The following PCDHGB2 variants were observed in gnomAD, a reference collection of about 807,000 sequenced individuals.
The protein encoded by PCDHGB2 is protocadherin gamma subfamily B, 2.
A neutral mutation model predicts 59.3 loss-of-function variants in PCDHGB2; 55 were observed. The observed-to-expected ratio is 0.93, with a 90% CI of 0.75 to 1.16. The LOEUF (loss-of-function observed/expected upper bound fraction) is 1.16. Ranked by LOEUF, PCDHGB2 falls within the 50% of genes most tolerant of loss-of-function variation. The pLI is 0.00. For missense variants in PCDHGB2, 1,228 were observed against 1,198.5 expected, an observed-to-expected ratio of 1.02 and a Z score of -0.36; for synonymous variants, 516 against 512.0, an observed-to-expected ratio of 1.01 and a Z score of -0.11.
At chr5:141,386,116 T>G (rs376387323) in intron 1 of PCDHGB2, 1 of 152,146 alleles carries the variant, frequency 6.6e-6, no homozygotes, top group Admixed American at 6.6e-5. Context: ...GCTATCAAAG[T>G]GGGAGATTGG....
chr5:141,407,169 G>A (rs946090447), intron 1 of PCDHGB2, among the ~76,000 whole-genome samples: 3 of 152,146 alleles, frequency 2.0e-5, no homozygotes, highest in Non-Finnish European at 4.4e-5. Flanking sequence ...AATCCTTTAT[G>A]ACATACAGAC....
rs375537017 is a variant in PCDHGB2 at position 141,419,439 on chromosome 5, C to T, written c.2421+56883C>T. 22 of 1,613,154 alleles carry T rather than the reference C, an allele frequency of 1.4e-5. No individual in the cohort carries two copies. Among genetic ancestry groups the T allele is most frequent in the Non-Finnish European group, 1.7e-5 (20 of 1,179,788 alleles). On this transcript the variant is annotated intron_variant, in intron 1 of 3. Transcript: ENST00000522605. ...GCCTTCGACCACGAGCAGCTGCGCACCTTCGAGCTCACGCTGCAGGCCCGC... is the reference window on the plus strand; with the variant it reads ...GCCTTCGACCACGAGCAGCTGCGCATCTTCGAGCTCACGCTGCAGGCCCGC...
chr5:141,405,838 T>C (rs1561702145), intron 1 of PCDHGB2, among the ~76,000 whole-genome samples: 4 of 152,300 alleles, frequency 2.6e-5, no homozygotes, highest in Admixed American at 2.0e-4. Flanking sequence ...TAGTATAAGT[T>C]GATATCAGTG....
intron 1 of PCDHGB2, chr5:141,427,797 G>T: frequency 6.6e-7 from 1 of 1,505,306 alleles, no homozygotes; most frequent in Non-Finnish European, 9.1e-7. Flanking sequence ...CTACGTGTCC[G>T]TGAGCGCACA....
chr5:141,494,185 GAC>G (rs2099752607), intron 1 of PCDHGB2, among the ~76,000 whole-genome samples: 1 of 152,154 alleles, frequency 6.6e-6, no homozygotes, highest in Non-Finnish European at 1.5e-5. Context: ...AGTGTCCCGG[GAC>G]TTGGATGCCC....
intron 1 of PCDHGB2, among the ~76,000 whole-genome samples, chr5:141,401,626 C>T (rs1476531463): frequency 6.6e-6 from 1 of 152,174 alleles, no homozygotes; most frequent in Non-Finnish European, 1.5e-5. Flanking sequence ...TTTGTCTTAT[C>T]GTTTGGAGCT....
At chr5:141,409,832 G>A (rs777679132) in intron 1 of PCDHGB2, 20 of 1,610,814 alleles carry the variant, frequency 1.2e-5, no homozygotes, top group Non-Finnish European at 1.6e-5. Context: ...CACGCTCAGC[G>A]CCAACGTGAG....
chr5:141,455,502 A>G (rs888549465), intron 1 of PCDHGB2, among the ~76,000 whole-genome samples: 12 of 152,206 alleles, frequency 7.9e-5, no homozygotes, highest in African/African-American at 2.7e-4. Flanking sequence ...TCTGATTTGC[A>G]TAGGGCTCAG....
chr5:141,384,924 G>A (rs1467129756), intron 1 of PCDHGB2: 2 of 1,613,840 alleles, frequency 1.2e-6, no homozygotes, highest in African/African-American at 2.7e-5. Flanking sequence ...TGGCCGACCT[G>A]GGCAGCCTTG....
chr5:141,500,173 T>G (rs1666567886), intron 2 of PCDHGB2, among the ~76,000 whole-genome samples: 1 of 149,340 alleles, frequency 6.7e-6, no homozygotes, highest in East Asian at 1.9e-4. Context: ...ATGCATGAGC[T>G]TCATTTTTAT....
At chr5:141,410,765 T>C (rs1238144239) in intron 1 of PCDHGB2, 1 of 1,066,570 alleles carries the variant, frequency 9.4e-7, no homozygotes, top group Non-Finnish European at 1.3e-6. Flanking sequence ...TTTTCAATTA[T>C]AGTTTTCACT....
intron 1 of PCDHGB2, among the ~76,000 whole-genome samples, chr5:141,464,094 G>A (rs540562188): frequency 7.4e-4 from 112 of 151,988 alleles, no homozygotes; most frequent in Non-Finnish European, 1.1e-3. Context: ...GTGAAACTCC[G>A]TCTCTACTAA....
chr5:141,392,741 C>T, intron 1 of PCDHGB2: 1 of 1,435,876 alleles, frequency 7.0e-7, no homozygotes. Context: ...ATCTCCATAG[C>T]TGCGGCAAGA....
chr5:141,379,418 GA>G (rs1208942827), intron 1 of PCDHGB2: 1 of 152,186 alleles, frequency 6.6e-6, no homozygotes, highest in African/African-American at 2.4e-5. Context: ...TTAGTCTCAT[GA>G]GTTAGATGGG....
chr5:141,477,630 T>G lies in PCDHGB2; in HGVS notation c.2422-17177T>G. The G allele has an allele frequency of 6.2e-7, 1 of 1,614,228 alleles. No homozygotes were observed. The highest frequency in any genetic ancestry group is 8.5e-7 in the Non-Finnish European group (1 of 1,180,042). ...TTGGAGCAAGGAGCTGAAACCGGGC[T>G]AGTGGGTCGCTATTTCACAATAAAT... On this transcript the variant is annotated intron_variant, in intron 1 of 3. Coordinates refer to ENST00000522605, the MANE Select transcript of PCDHGB2 (RefSeq NM_018923.3). The surrounding 1 kb of genome is among the most constrained non-coding windows in gnomAD (Gnocchi z 4.9).
intron 1 of PCDHGB2, chr5:141,414,764 A>G: frequency 6.2e-7 from 1 of 1,614,194 alleles, no homozygotes; most frequent in Non-Finnish European, 8.5e-7. Flanking sequence ...GAGCAGTTTC[A>G]TGAGCTACAG....
At chr5:141,415,762 T>G (rs1561760360) in intron 1 of PCDHGB2, 16 of 1,399,878 alleles carry the variant, frequency 1.1e-5, no homozygotes, top group East Asian at 5.3e-5. Flanking sequence ...TTTTTTTTTT[T>G]TTTTTTTTTT....
intron 1 of PCDHGB2, among the ~76,000 whole-genome samples, chr5:141,449,342 C>T (rs895923034): frequency 3.3e-5 from 5 of 151,854 alleles, no homozygotes; most frequent in Non-Finnish European, 5.9e-5. Context: ...TGCAGTGGCT[C>T]ACTCCTGTAA....
At chr5:141,478,044 C>T in intron 1 of PCDHGB2, 2 of 1,614,184 alleles carry the variant, frequency 1.2e-6, no homozygotes, top group South Asian at 1.1e-5. Flanking sequence ...CCCAGGCAGA[C>T]TCTCACGGTC....
Sources: gnomAD v4.1 joint callset for allele counts (sites outside exome capture counted in the v4.1 genomes callset) on GRCh38, gnomAD v4.1.1 for gene constraint, Gnocchi (gnomAD v3.1) non-coding constraint, MANE v1.5 for transcripts, NCBI Gene and HGNC (gene_info 2026-07-23, HGNC 2026-07-21) for gene names.